The following MAP2K6 variants were observed in gnomAD, a reference collection of about 807,000 sequenced individuals.
MAP2K6 encodes the protein mitogen-activated protein kinase kinase 6.
A neutral mutation model predicts 53.7 loss-of-function variants in MAP2K6; 16 were observed. The ratio of observed to expected loss-of-function variants is 0.30; its 90% CI spans 0.20 to 0.45. MAP2K6 has a LOEUF of 0.45. MAP2K6 is among the 20% of genes least tolerant of loss of function. The pLI is 1.00. For missense variants in MAP2K6, 204 were observed against 411.9 expected (o/e 0.50, Z 4.37); for synonymous variants, 132 against 143.1 (o/e 0.92, Z 0.55).
intron 1 of MAP2K6, among the ~76,000 whole-genome samples, chr17:69,476,967 T>C (rs763670783): frequency 1.8e-4 from 27 of 152,214 alleles, no homozygotes; most frequent in Non-Finnish European, 2.9e-4. Context: ...AGACTCTGGC[T>C]GACATCCACA....
At chr17:69,472,321 C>T (rs533833307) in intron 1 of MAP2K6, among the ~76,000 whole-genome samples, 3 of 152,138 alleles carry the variant, frequency 2.0e-5, no homozygotes, top group African/African-American at 4.8e-5. Context: ...AAATATGCAT[C>T]GTTATAAGCA....
At chr17:69,449,072 C>A (rs1907081197) in intron 1 of MAP2K6, among the ~76,000 whole-genome samples, 1 of 152,186 alleles carries the variant, frequency 6.6e-6, no homozygotes, top group South Asian at 2.1e-4. Context: ...GCGTTTTTCT[C>A]TTTCTTTTAG....
intron 1 of MAP2K6, among the ~76,000 whole-genome samples, chr17:69,418,773 C>G (rs558742811): frequency 6.6e-6 from 1 of 152,012 alleles, no homozygotes; most frequent in African/African-American, 2.4e-5. Flanking sequence ...ATACTATGCC[C>G]TTAGATTAAA....
In MAP2K6 at chr17:69,449,503, T is replaced by TTCTTTCTTTTTTCTTTCTTTCTTTG. The variant is rs1907099293; in HGVS notation, c.16+34512_16+34513insTTTCTTTCTTTCTTTGTCTTTCTTT. On this transcript the variant is annotated intron_variant, in intron 1 of 11. Coordinates refer to ENST00000590474, the MANE Select transcript of MAP2K6 (RefSeq NM_002758.4). ...GTGTTGGTTGTCCTTTCTTTCTTTTTTCTTTCTTTCTTTGTCTTTCTTTCT... is the reference window on the plus strand; with the variant it reads ...GTGTTGGTTGTCCTTTCTTTCTTTTTTCTTTCTTTTTTCTTTCTTTCTTTGTCTTTCTTTCTTTGTCTTTCTTTCT... 6.6e-5 allele frequency among the ~76,000 whole-genome samples: 9 copies of TTCTTTCTTTTTTCTTTCTTTCTTTG among 136,536 alleles called. No homozygotes were observed. The East Asian group carries it at 1.0e-3, about 16-fold the overall frequency. The allele number at this position is 136,536 out of a possible 152,430, so 89.6% of individuals were successfully genotyped here. A position where few individuals can be genotyped will look rare whatever the true frequency, so the allele number is the denominator to read the frequency against.
intron 1 of MAP2K6, among the ~76,000 whole-genome samples, chr17:69,451,248 C>T (rs1008935060): frequency 3.3e-5 from 5 of 152,086 alleles, no homozygotes; most frequent in East Asian, 1.9e-4. Context: ...TTTTGCAAGC[C>T]GGTTGCAAGC....
At chr17:69,426,937 T>C (rs373463100) in intron 1 of MAP2K6, among the ~76,000 whole-genome samples, 7 of 152,296 alleles carry the variant, frequency 4.6e-5, no homozygotes, top group African/African-American at 1.7e-4. Flanking sequence ...GGTGAATAAA[T>C]GGAATATATC....
In MAP2K6 at chr17:69,417,326, A is replaced by G. The variant is rs748222002; in HGVS notation, c.16+2326A>G. 8.5e-5 allele frequency among the ~76,000 whole-genome samples: 13 copies of G among 152,350 alleles called. No homozygotes were observed. In the South Asian group the frequency reaches 2.5e-3, roughly 29 times the overall value. On this transcript the variant is annotated intron_variant, in intron 1 of 11. Transcript: ENST00000590474. ...TGAAAAGTGGATACAATCTCATAGT[A>G]TTGAAGAATTTAACAATATGTTCAA...
chr17:69,474,925 T>C (rs1908093881), intron 1 of MAP2K6, among the ~76,000 whole-genome samples: 1 of 152,308 alleles, frequency 6.6e-6, no homozygotes, highest in Admixed American at 6.5e-5. Flanking sequence ...TCTAATTCAC[T>C]GAGGATTCAG....
At chr17:69,416,227 T>C (rs1259947799) in intron 1 of MAP2K6, among the ~76,000 whole-genome samples, 1 of 152,196 alleles carries the variant, frequency 6.6e-6, no homozygotes, top group Non-Finnish European at 1.5e-5. Flanking sequence ...GCACCGCTTT[T>C]TAATTCTACC....
In MAP2K6 at chr17:69,544,628, A is replaced by T. The variant is rs2144882306; in HGVS notation, c.*2875A>T. ...AGATCATGCTTATTTCCCCAGATGTATTTGATTTTGTATCATATAATTGTC... is the reference window on the plus strand; with the variant it reads ...AGATCATGCTTATTTCCCCAGATGTTTTTGATTTTGTATCATATAATTGTC... On this transcript the variant is annotated 3_prime_UTR_variant, in exon 12 of 12. Coordinates refer to ENST00000590474, the MANE Select transcript of MAP2K6 (RefSeq NM_002758.4). 6.6e-6 allele frequency: 1 copy of T among 152,304 alleles called. No individual in the cohort carries two copies. Among genetic ancestry groups the T allele is most frequent in the African/African-American group, 2.4e-5 (1 of 41,572 alleles). The allele number at this position is 152,304 out of a possible 1,614,324, so 9.4% of individuals were successfully genotyped here.
intron 1 of MAP2K6, among the ~76,000 whole-genome samples, chr17:69,495,381 G>A (rs906774688): frequency 1.3e-5 from 2 of 151,328 alleles, no homozygotes; most frequent in Admixed American, 6.6e-5. Flanking sequence ...GACTACAGGC[G>A]CCCACCAACA....
chr17:69,482,384 T>A (rs1267350903), intron 1 of MAP2K6, among the ~76,000 whole-genome samples: 1 of 152,136 alleles, frequency 6.6e-6, no homozygotes, highest in African/African-American at 2.4e-5. Context: ...AGGTTTACAG[T>A]AGAATGTCTT....
Position 69,549,545 on chromosome 17 carries a change from A to T in MAP2K6, c.*7792A>T, listed in dbSNP as rs538683460. ...GGAACTGATCTGGCCATTTTCATAT[A>T]ACAAAAATCAAAGTCAACAATTTTG... On this transcript the variant is annotated 3_prime_UTR_variant, in exon 12 of 12. Transcript: ENST00000590474. The T allele has an allele frequency of 2.0e-5, 3 of 152,294 alleles. No homozygotes were observed. Among genetic ancestry groups the T allele is most frequent in the Admixed American group, 2.0e-4 (3 of 15,290 alleles). The allele number at this position is 152,294 out of a possible 1,614,324, so 9.4% of individuals were successfully genotyped here.
chr17:69,492,365 A>C (rs1209673028), intron 1 of MAP2K6, among the ~76,000 whole-genome samples: 5 of 152,180 alleles, frequency 3.3e-5, no homozygotes, highest in African/African-American at 9.6e-5. Flanking sequence ...AACCTTCTGC[A>C]TATAGCTAGC....
chr17:69,526,251 G>A (rs973253838), intron 9 of MAP2K6, among the ~76,000 whole-genome samples: 13 of 152,188 alleles, frequency 8.5e-5, no homozygotes, highest in South Asian at 2.1e-4. Context: ...TGAAATCCTC[G>A]TAGCTTTACA....
intron 2 of MAP2K6, among the ~76,000 whole-genome samples, chr17:69,513,138 A>G (rs1249298096): frequency 6.6e-6 from 1 of 152,214 alleles, no homozygotes; most frequent in East Asian, 1.9e-4. Context: ...TGGAGAGAAC[A>G]CAGTGTCAAC....
intron 1 of MAP2K6, among the ~76,000 whole-genome samples, chr17:69,440,753 T>C (rs995775706): frequency 3.9e-5 from 6 of 151,918 alleles, no homozygotes; most frequent in Non-Finnish European, 7.4e-5. Flanking sequence ...TTTTTTTTTT[T>C]CACATGAAAA....
chr17:69,510,646 A>G (rs1308812357), intron 2 of MAP2K6, among the ~76,000 whole-genome samples: 3 of 152,124 alleles, frequency 2.0e-5, no homozygotes, highest in African/African-American at 7.2e-5. Context: ...TTATAGGACT[A>G]TTCAGATTAT....
At chr17:69,512,649 AATT>A (rs1201199060) in intron 2 of MAP2K6, among the ~76,000 whole-genome samples, 1 of 151,982 alleles carries the variant, frequency 6.6e-6, no homozygotes, top group East Asian at 1.9e-4. Flanking sequence ...AGTGTTCTTA[AATT>A]ATTTAGTCAC....
Sources: allele counts gnomAD v4.1 joint callset (sites outside exome capture counted in the v4.1 genomes callset), GRCh38; gene constraint gnomAD v4.1.1; transcripts MANE v1.5; gene names NCBI Gene and HGNC (gene_info 2026-07-23, HGNC 2026-07-21).